GBF1: variants seen among roughly 807,000 people sequenced by gnomAD.
The protein encoded by GBF1 is Golgi-specific brefeldin A-resistance guanine nucleotide exchange factor 1.
A neutral mutation model predicts 210.5 loss-of-function variants in GBF1; 114 were observed. That is an observed-to-expected ratio of 0.54 (90% CI 0.47 to 0.63). GBF1 has a LOEUF of 0.63. Among genes scored for constraint, GBF1 ranks in the 30% least tolerant of loss-of-function variants. GBF1 has a pLI of 0.00. For missense variants in GBF1, 1,851 were observed against 2,357.7 expected (o/e 0.79, Z 4.45); for synonymous variants, 850 against 889.2 (o/e 0.96, Z 0.78).
intron 14 of GBF1, among the ~76,000 whole-genome samples, chr10:102,362,208 C>T (rs1367000572): frequency 6.6e-6 from 1 of 151,532 alleles, no homozygotes; most frequent in African/African-American, 2.4e-5. Context: ...AGGTGCCCAC[C>T]ACCACGCCCG....
chr10:102,276,616 T>TG (rs2075002470), intron 3 of GBF1, among the ~76,000 whole-genome samples: 1 of 152,170 alleles, frequency 6.6e-6, no homozygotes, highest in Non-Finnish European at 1.5e-5. Context: ...TGCTTTTTAT[T>TG]TAGAGAATGG....
chr10:102,248,707 C>A (rs1418637551), intron 1 of GBF1, among the ~76,000 whole-genome samples: 1 of 152,090 alleles, frequency 6.6e-6, no homozygotes, highest in Non-Finnish European at 1.5e-5. Context: ...ACGATCACAG[C>A]TCACTGCAGC....
intron 3 of GBF1, among the ~76,000 whole-genome samples, chr10:102,280,671 T>C (rs2075400089): frequency 6.6e-6 from 1 of 152,196 alleles, no homozygotes; most frequent in Non-Finnish European, 1.5e-5. Context: ...AGTAATACTG[T>C]CCATATTTTG....
In GBF1 at chr10:102,382,503, C is replaced by T; in HGVS notation, c.*167C>T. The stretch of plus-strand genomic sequence containing the variant: ...AATGTTGATAGCCCCAGCTAAGACC[C>T]CCAATCAGCTGTGGGACCTTTTTCC... On this transcript the variant is annotated 3_prime_UTR_variant, in exon 40 of 40. Coordinates refer to ENST00000369983, the MANE Select transcript of GBF1 (RefSeq NM_001377137.1). The T allele has an allele frequency of 1.7e-6, 1 of 594,006 alleles. No homozygotes were observed. Among genetic ancestry groups the T allele is most frequent in the Non-Finnish European group, 2.9e-6 (1 of 346,138 alleles). 36.8% of individuals were successfully genotyped at this position (594,006 alleles called of 1,614,324 possible).
intron 3 of GBF1, among the ~76,000 whole-genome samples, chr10:102,271,191 C>G (rs1226573613): frequency 6.6e-6 from 1 of 152,188 alleles, no homozygotes; most frequent in East Asian, 1.9e-4. Flanking sequence ...GCGCCCGCCA[C>G]TGCGCCCGGC....
Position 102,382,094 on chromosome 10 carries a change from A to C in GBF1, c.5341A>C (p.Ser1781Arg), listed in dbSNP as rs757611125. 1.3e-6 allele frequency: 2 copies of C among 1,573,226 alleles called. No homozygotes were observed. The highest frequency in any genetic ancestry group is 3.8e-5 in the Admixed American group (2 of 52,756). ...KPESPRAASS[S>R]SPGSPVASSP... ...CGAGAGCCCCCGAGCCGCCAGCAGC[A>C]GCTCCCCAGGATCACCAGTGGCCTC... The change falls in exon 40 of 40, where the codon AGC becomes CGC. Residue 1781 changes from serine (S) to arginine (R), a missense_variant. Coordinates refer to ENST00000369983, the MANE Select transcript of GBF1 (RefSeq NM_001377137.1).
chr10:102,377,236 T>C, intron 33 of GBF1, 96 bp downstream of exon 33: 1 of 924,634 alleles, frequency 1.1e-6, no homozygotes, highest in African/African-American at 1.6e-5. Context: ...GAAGGGCCCA[T>C]GTGTGCCAGC....
In GBF1 at chr10:102,366,250, A is replaced by G. The variant is rs1589796047; in HGVS notation, c.2310-133A>G. 1 of 823,620 alleles carries G rather than the reference A, an allele frequency of 1.2e-6. No individual in the cohort carries two copies. Among genetic ancestry groups the G allele is most frequent in the East Asian group, 2.5e-5 (1 of 40,120 alleles). The allele number at this position is 823,620 out of a possible 1,614,324, so 51.0% of individuals were successfully genotyped here. On this transcript the variant is annotated intron_variant, in intron 18 of 39. Coordinates refer to ENST00000369983, the MANE Select transcript of GBF1 (RefSeq NM_001377137.1). This position sits in a 1 kb window ranked among gnomAD's most constrained non-coding sequence, Gnocchi z 4.0. ...AGGGGTTGTGTTAGGGATGAACAGGAGATACTGCCCCTTTACTAGAGACCT... is the reference window on the plus strand; with the variant it reads ...AGGGGTTGTGTTAGGGATGAACAGGGGATACTGCCCCTTTACTAGAGACCT...
chr10:102,258,901 C>G, intron 1 of GBF1, 28 bp from the exon 2 acceptor site: 1 of 1,154,062 alleles, frequency 8.7e-7, no homozygotes, highest in African/African-American at 1.5e-5. Context: ...AAATATTAAC[C>G]AGACTATTAT....
At chr10:102,359,504 C>G in intron 11 of GBF1, 69 bp downstream of exon 11, 1 of 1,144,262 alleles carries the variant, frequency 8.7e-7, no homozygotes, top group Non-Finnish European at 1.3e-6. Context: ...TGAGCCTAGA[C>G]CGTCTTAAAC....
intron 3 of GBF1, among the ~76,000 whole-genome samples, chr10:102,275,311 G>A (rs906107645): frequency 6.6e-6 from 1 of 152,188 alleles, no homozygotes; most frequent in African/African-American, 2.4e-5. Flanking sequence ...TGTGAGGAAA[G>A]TAGTACCAAA....
Position 102,359,176 on chromosome 10 carries a change from G to A in GBF1, c.1012-91G>A, listed in dbSNP as rs2059452934. On this transcript the variant is annotated intron_variant, in intron 10 of 39. Coordinates refer to ENST00000369983, the MANE Select transcript of GBF1 (RefSeq NM_001377137.1). ...GGCCCTACATCTGTAGCCCATTAGA[G>A]ACAGCTTGGAAGACAGCTACTTCAG... 6 of 883,166 alleles carry A rather than the reference G, an allele frequency of 6.8e-6. No individual in the cohort carries two copies. The Admixed American group carries it at 7.4e-5, about 11-fold the overall frequency. 54.7% of individuals were successfully genotyped at this position (883,166 alleles called of 1,614,324 possible).
At chr10:102,355,441 A>T (rs2059239026) in intron 8 of GBF1, among the ~76,000 whole-genome samples, 1 of 152,196 alleles carries the variant, frequency 6.6e-6, no homozygotes, top group African/African-American at 2.4e-5. Flanking sequence ...AGTCATACAG[A>T]TAAGGTGGCG....
intron 3 of GBF1, among the ~76,000 whole-genome samples, chr10:102,301,727 C>T (rs1416821377): frequency 6.6e-6 from 1 of 151,976 alleles, no homozygotes; most frequent in Admixed American, 6.5e-5. Context: ...CAGAGACGCT[C>T]CTCACTTCCT....
chr10:102,292,803 G>A (rs1200802102), intron 3 of GBF1, among the ~76,000 whole-genome samples: 2 of 152,152 alleles, frequency 1.3e-5, no homozygotes, highest in African/African-American at 2.4e-5. Flanking sequence ...TTTTGATGTA[G>A]CAATATTGTA....
intron 3 of GBF1, among the ~76,000 whole-genome samples, chr10:102,336,989 T>C (rs561638565): frequency 5.7e-4 from 87 of 152,300 alleles, no homozygotes; most frequent in Middle Eastern, 3.4e-3. Flanking sequence ...TATAACAATG[T>C]GACAGTAGTT....
Position 102,286,201 on chromosome 10 carries a change from T to TTG in GBF1, c.163+26086_163+26087insGT, listed in dbSNP as rs1380313350. ...GGATGTAAAAGCATAAGGGTTTTTT[T>TTG]TTTTTTTTTTTTTTTTCTGTCTTTC... is the stretch of plus-strand genomic sequence containing the variant. On this transcript the variant is annotated intron_variant, in intron 3 of 39. Transcript: ENST00000369983. 4.1e-3 allele frequency among the ~76,000 whole-genome samples: 551 copies of TTG among 134,122 alleles called. 4 individuals are homozygous for TTG. Among genetic ancestry groups the TTG allele is most frequent in the East Asian group, 9.1e-3 (41 of 4,486 alleles). 88.0% of individuals were successfully genotyped at this position (134,122 alleles called of 152,430 possible).
Position 102,260,134 on chromosome 10 carries a change from T to A in GBF1, c.163+18T>A. ...TATAACAGGTAAGTCTCCATATGTA[T>A]GTGGATTACTAATCTTGGTAAAAAA... On this transcript the variant is annotated intron_variant, in intron 3 of 39. Coordinates refer to ENST00000369983, the MANE Select transcript of GBF1 (RefSeq NM_001377137.1). 2 of 1,237,176 alleles carry A rather than the reference T, an allele frequency of 1.6e-6. No homozygotes were observed. Among genetic ancestry groups the A allele is most frequent in the Non-Finnish European group, 2.4e-6 (2 of 845,866 alleles). The allele number at this position is 1,237,176 out of a possible 1,614,324, so 76.6% of individuals were successfully genotyped here.
chr10:102,367,018 G>C, intron 19 of GBF1, 67 bp from the exon 20 acceptor site: 1 of 1,580,182 alleles, frequency 6.3e-7, no homozygotes, highest in Non-Finnish European at 8.7e-7. Context: ...CTGACCAGTG[G>C]GTTGGTAGTG....
Sources: gnomAD v4.1 joint callset for allele counts (sites outside exome capture counted in the v4.1 genomes callset) on GRCh38, gnomAD v4.1.1 for gene constraint, Gnocchi (gnomAD v3.1) non-coding constraint, MANE v1.5 for transcripts, NCBI Gene and HGNC (gene_info 2026-07-23, HGNC 2026-07-21) for gene names.